DCBLD2: variants seen among roughly 807,000 people sequenced by gnomAD.
The protein encoded by DCBLD2 is discoidin, CUB and LCCL domain containing 2.
Under a neutral mutation model 86.8 loss-of-function variants are expected in DCBLD2, and 54 were observed. The ratio of observed to expected loss-of-function variants is 0.62; its 90% CI spans 0.50 to 0.78. DCBLD2 has a LOEUF of 0.78. Ranked by LOEUF, DCBLD2 falls within the 30% of genes least tolerant of loss-of-function variation. DCBLD2 has a pLI of 0.00. For synonymous variants in DCBLD2, 354 were observed against 341.3 expected (o/e 1.04, Z -0.41); for missense variants, 908 against 954.2 (o/e 0.95, Z 0.64).
At chr3:98,865,860 T>TC (rs1209764350) in intron 2 of DCBLD2, among the ~76,000 whole-genome samples, 2 of 90,226 alleles carry the variant, frequency 2.2e-5, no homozygotes, top group Non-Finnish European at 4.2e-5. Flanking sequence ...CCCTCCTCCC[T>TC]CCCCCCACCC....
At chr3:98,870,805 GAAA>G (rs1559794668) in intron 2 of DCBLD2, among the ~76,000 whole-genome samples, 4,062 of 148,446 alleles carry the variant, frequency 0.027, 98 homozygotes, top group Middle Eastern at 0.035. Flanking sequence ...AAGAAAGAAA[GAAA>G]GAAAGGTAGG....
intron 2 of DCBLD2, among the ~76,000 whole-genome samples, chr3:98,856,826 G>A (rs1464516658): frequency 1.3e-5 from 2 of 151,952 alleles, no homozygotes; most frequent in East Asian, 1.9e-4. Flanking sequence ...GAAAACATAA[G>A]GAATGTTGAA....
chr3:98,864,844 AAAT>A (rs984237500), intron 2 of DCBLD2, among the ~76,000 whole-genome samples: 19 of 152,280 alleles, frequency 1.2e-4, no homozygotes, highest in East Asian at 3.9e-4. Context: ...CCTAGAACTT[AAAT>A]AATAATAAAA....
intron 3 of DCBLD2, among the ~76,000 whole-genome samples, chr3:98,848,462 T>G (rs765349763): frequency 5.9e-5 from 9 of 152,230 alleles, no homozygotes; most frequent in Non-Finnish European, 1.2e-4. Flanking sequence ...ACAGAATAAT[T>G]TATATTCCTT....
rs1253373532 is a variant in DCBLD2, at chr3:98,901,687, G to A, written c.-361C>T. 1.1e-5 allele frequency: 2 copies of A among 175,506 alleles called. No homozygotes were observed. The highest frequency in any genetic ancestry group is 2.4e-5 in the Non-Finnish European group (2 of 83,830). The allele number at this position is 175,506 out of a possible 1,614,324, so 10.9% of individuals were successfully genotyped here. ...CACCCGCGGCTCCGGCTAGCTGGCA[G>A]GCAGGCCCGCAGCCAGCTCCCTCGC... is the stretch of plus-strand genomic sequence containing the variant. On this transcript the variant is annotated 5_prime_UTR_variant, in exon 1 of 16. Transcript: ENST00000326840.
chr3:98,849,197 G>A (rs966164265), intron 3 of DCBLD2, among the ~76,000 whole-genome samples: 12 of 151,340 alleles, frequency 7.9e-5, no homozygotes, highest in African/African-American at 2.2e-4. Flanking sequence ...ATTATAGCTC[G>A]TGTTCCAATC....
intron 3 of DCBLD2, among the ~76,000 whole-genome samples, chr3:98,839,144 C>CTTCCTTCCTTCT (rs1491105632): frequency 9.0e-6 from 1 of 111,044 alleles, no homozygotes; most frequent in African/African-American, 3.5e-5. Context: ...TCCTTCCTTC[C>CTTCCTTCCTTCT]TTCTTTCTTT....
rs150749517 is a variant in DCBLD2 at position 98,898,899 on chromosome 3, G to C, written c.205+2223C>G. 2.2e-3 allele frequency among the ~76,000 whole-genome samples: 334 copies of C among 152,252 alleles called. 1 individual carries two copies. Among genetic ancestry groups the C allele is most frequent in the African/African-American group, 7.8e-3 (322 of 41,542 alleles). On this transcript the variant is annotated intron_variant, in intron 1 of 15. Coordinates refer to ENST00000326840, the MANE Select transcript of DCBLD2 (RefSeq NM_080927.4). Reference sequence around the variant, plus strand: ...TATCAACTTAGTAAGATCGAGATTAGTAATAATCATTTATAGCTATTTTAA... The same window carrying C: ...TATCAACTTAGTAAGATCGAGATTACTAATAATCATTTATAGCTATTTTAA...
At chr3:98,858,126 A>G (rs1201216805) in intron 2 of DCBLD2, among the ~76,000 whole-genome samples, 1 of 152,234 alleles carries the variant, frequency 6.6e-6, no homozygotes, top group African/African-American at 2.4e-5. Context: ...ACGGGGAGGC[A>G]GCTAAGGCCC....
At chr3:98,859,422 GCCT>G (rs1462772240) in intron 2 of DCBLD2, among the ~76,000 whole-genome samples, 3 of 152,228 alleles carry the variant, frequency 2.0e-5, no homozygotes, top group African/African-American at 7.2e-5. Context: ...CAGACAGACT[GCCT>G]CCTCAAGTGG....
At chr3:98,878,626 A>C (rs1559797385) in intron 2 of DCBLD2, among the ~76,000 whole-genome samples, 1 of 152,102 alleles carries the variant, frequency 6.6e-6, no homozygotes. Context: ...AATTATCTTT[A>C]TTTCTCTGCA....
At chr3:98,872,498 C>T (rs937785465) in intron 2 of DCBLD2, among the ~76,000 whole-genome samples, 1 of 152,134 alleles carries the variant, frequency 6.6e-6, no homozygotes, top group African/African-American at 2.4e-5. Context: ...CCAAATAAAC[C>T]TCTTTTCTTT....
chr3:98,799,530 T>A lies in DCBLD2; in HGVS notation c.2170A>T (p.Ser724Cys), dbSNP rs376370426. The A allele has an allele frequency of 1.5e-5, 25 of 1,613,888 alleles. No individual in the cohort carries two copies. The highest frequency in any genetic ancestry group is 1.9e-5 in the Non-Finnish European group (23 of 1,179,894). The change falls in exon 16 of 16, where the codon AGC becomes TGC. Residue 724 changes from serine to cysteine, a missense_variant. This residue lies in a region of DCBLD2 where 606 missense variants were observed against 678.5 expected (regional missense o/e 0.89). Transcript: ENST00000326840. ...TYNTLLSRTD[S>C]CSSAQAQYDT... ...TACTGGGCCTGGGCTGAGGAGCAGC[T>A]GTCAGTCCTGGAGAGAAGTGTATTG...
At chr3:98,839,121 T>TTTC (rs1559781377) in intron 3 of DCBLD2, among the ~76,000 whole-genome samples, 36 of 100,538 alleles carry the variant, frequency 3.6e-4, no homozygotes, top group African/African-American at 1.0e-3. Flanking sequence ...TTCTTTCTTT[T>TTTC]TCTTTCTTTC....
chr3:98,822,490 T>A, intron 5 of DCBLD2, 129 bp from the exon 6 acceptor site: 1 of 1,297,984 alleles, frequency 7.7e-7, no homozygotes, highest in South Asian at 1.6e-5. Context: ...CAAAAATAGA[T>A]TATTGGTACT....
intron 2 of DCBLD2, among the ~76,000 whole-genome samples, chr3:98,879,617 GACCTCGTGATCCGCCC>G (rs1289078164): frequency 1.3e-5 from 2 of 152,114 alleles, no homozygotes; most frequent in Non-Finnish European, 2.9e-5. Flanking sequence ...TCGATCACCT[GACCTCGTGATCCGCCC>G]ACCTCGGTCT....
At chr3:98,801,712 T>A (rs1941723390) in intron 13 of DCBLD2, 63 bp from the exon 14 acceptor site, 1 of 1,299,106 alleles carries the variant, frequency 7.7e-7, no homozygotes, top group South Asian at 1.3e-5. Context: ...CTGCTCCCCC[T>A]ACCCCATGAC....
At chr3:98,841,770 C>G (rs1165880422) in intron 3 of DCBLD2, among the ~76,000 whole-genome samples, 2 of 152,104 alleles carry the variant, frequency 1.3e-5, no homozygotes, top group Non-Finnish European at 2.9e-5. Context: ...TTTATTCTAA[C>G]TCAAGAAAGT....
chr3:98,801,898 T>C (rs1180054658), intron 13 of DCBLD2: 1 of 385,626 alleles, frequency 2.6e-6, no homozygotes, highest in Non-Finnish European at 4.7e-6. Context: ...TCATTTTTTA[T>C]GGCTGCATAG....
Sources: gnomAD v4.1 joint callset for allele counts (sites outside exome capture counted in the v4.1 genomes callset) on GRCh38, gnomAD v4.1.1 for gene constraint, gnomAD v4.1.1 regional missense constraint, MANE v1.5 for transcripts, NCBI Gene and HGNC (gene_info 2026-07-23, HGNC 2026-07-21) for gene names.